The following HEATR3 variants were observed in gnomAD, a reference collection of about 807,000 sequenced individuals.
HEATR3 encodes the protein HEAT repeat containing 3.
A neutral mutation model predicts 72.8 loss-of-function variants in HEATR3; 56 were observed. The observed-to-expected ratio is 0.77, with a 90% CI of 0.62 to 0.96. The LOEUF (loss-of-function observed/expected upper bound fraction) is 0.96, where lower values mean the gene tolerates loss of function less well. Among genes scored for constraint, HEATR3 ranks in the 40% least tolerant of loss-of-function variants. HEATR3 has a pLI of 0.00. For synonymous variants in HEATR3, 331 were observed against 318.1 expected, an observed-to-expected ratio of 1.04 and a Z score of -0.43; for missense variants, 747 against 831.4, an observed-to-expected ratio of 0.90 and a Z score of 1.25.
At chr16:50,093,116 C>T (rs1323721551) in intron 11 of HEATR3, among the ~76,000 whole-genome samples, 1 of 152,062 alleles carries the variant, frequency 6.6e-6, no homozygotes, top group Non-Finnish European at 1.5e-5. Flanking sequence ...GTACATAATA[C>T]ATATCTGAAA....
At chr16:50,093,194 G>A (rs550184539) in intron 11 of HEATR3, among the ~76,000 whole-genome samples, 11 of 152,304 alleles carry the variant, frequency 7.2e-5, no homozygotes, top group African/African-American at 2.6e-4. Flanking sequence ...TCTTCTACCC[G>A]GGTAACCTAA....
At chr16:50,078,688 T>A in intron 6 of HEATR3, 53 bp from the exon 7 acceptor site, 1 of 1,539,674 alleles carries the variant, frequency 6.5e-7, no homozygotes, top group Non-Finnish European at 8.7e-7. Context: ...AAACTTAAAC[T>A]TAGTAAAATA....
At position 50,066,107 on chromosome 16, in the gene HEATR3, G is replaced by T; in HGVS notation, c.-25G>T. On this transcript the variant is annotated 5_prime_UTR_variant, in exon 1 of 15. Coordinates refer to ENST00000299192, the MANE Select transcript of HEATR3 (RefSeq NM_182922.4). ...CTGCTGTTGCCCTCCTCTCTCGGTGGTCTGTCCGCCCAGCGCACGTCACCA... is the reference window on the plus strand; with the variant it reads ...CTGCTGTTGCCCTCCTCTCTCGGTGTTCTGTCCGCCCAGCGCACGTCACCA... 6.4e-7 allele frequency: 1 copy of T among 1,573,044 alleles called. No homozygotes were observed. Among genetic ancestry groups the T allele is most frequent in the Non-Finnish European group, 8.6e-7 (1 of 1,162,478 alleles).
intron 6 of HEATR3, among the ~76,000 whole-genome samples, chr16:50,077,017 G>A (rs2036748387): frequency 6.6e-6 from 1 of 151,598 alleles, no homozygotes; most frequent in Non-Finnish European, 1.5e-5. Flanking sequence ...ACAGGTGCCT[G>A]CCACCACGCC....
intron 13 of HEATR3, 84 bp from the exon 14 acceptor site, chr16:50,102,175 T>C: frequency 1.8e-6 from 2 of 1,091,052 alleles, no homozygotes; most frequent in East Asian, 2.4e-5. Flanking sequence ...TAAAATAGTA[T>C]GCATGAGTTA....
rs2036500885 is a variant in HEATR3 at position 50,066,533 on chromosome 16, C to T, written c.305C>T (p.Ala102Val). ...GCCGTCAGGGAGACTGCAGCCGGCG[C>T]GCTGAGGTGAGCCAGGAAGGGTGCG... ...SLAVRETAAG[A>V]LRNLSACGGF... Residue 102 changes from alanine (A) to valine (V), a missense_variant, in exon 2 of 15, where the codon GCG becomes GTG. Physicochemically the swap from Ala to Val is moderately conservative, Grantham distance 64 (BLOSUM62 0). Coordinates refer to ENST00000299192, the MANE Select transcript of HEATR3 (RefSeq NM_182922.4). 7.6e-7 allele frequency: 1 copy of T among 1,308,586 alleles called. No homozygotes were observed. The highest frequency in any genetic ancestry group is 9.7e-7 in the Non-Finnish European group (1 of 1,033,264). The allele number at this position is 1,308,586 out of a possible 1,614,324, so 81.1% of individuals were successfully genotyped here.
intron 7 of HEATR3, among the ~76,000 whole-genome samples, chr16:50,082,037 A>G (rs1221502090): frequency 6.6e-6 from 1 of 152,180 alleles, no homozygotes; most frequent in Non-Finnish European, 1.5e-5. Flanking sequence ...TTAATTTCAG[A>G]GTTCCTTTTA....
intron 14 of HEATR3, among the ~76,000 whole-genome samples, chr16:50,104,420 G>A (rs935029007): frequency 6.6e-6 from 1 of 151,840 alleles, no homozygotes; most frequent in Non-Finnish European, 1.5e-5. Flanking sequence ...TTTTAAGGTG[G>A]GGTCTCACTG....
intron 7 of HEATR3, among the ~76,000 whole-genome samples, chr16:50,079,477 G>C (rs1309005853): frequency 6.6e-6 from 1 of 152,146 alleles, no homozygotes; most frequent in Admixed American, 6.5e-5. Flanking sequence ...ATCCAAAGAG[G>C]TTGGGTGACT....
chr16:50,078,653 G>A (rs2036793277), intron 6 of HEATR3, 88 bp from the exon 7 acceptor site: 6 of 1,310,500 alleles, frequency 4.6e-6, no homozygotes, highest in Non-Finnish European at 5.2e-6. Context: ...AAATTACACT[G>A]GCCTTAAAAG....
In HEATR3 at chr16:50,084,268, A is replaced by G. The variant is rs373476890; in HGVS notation, c.1267A>G (p.Thr423Ala). 1 of 1,614,012 alleles carries G rather than the reference A, an allele frequency of 6.2e-7. No homozygotes were observed. The highest frequency in any genetic ancestry group is 8.5e-7 in the Non-Finnish European group (1 of 1,180,000). The change falls in exon 9 of 15, where the codon ACC (threonine) becomes GCC (alanine). Residue 423 changes from threonine to alanine, a missense_variant. Physicochemically the swap from Thr to Ala is moderately conservative, Grantham distance 58 (BLOSUM62 0). Around this residue, in one of 2 missense-constraint regions of HEATR3, gnomAD observed 586 missense variants for 708.8 expected, o/e 0.83. Coordinates refer to ENST00000299192, the MANE Select transcript of HEATR3 (RefSeq NM_182922.4). ...CTCCCATGAAGTTCACACGGCTCTC[A>G]CCAACTACCTCATCCCAAAGAAGGT... ...CLSHEVHTALTNYLIPKKIFE... is the reference protein window; with the variant it reads ...CLSHEVHTALANYLIPKKIFE...
At chr16:50,087,386 T>G (rs2037011506) in intron 11 of HEATR3, among the ~76,000 whole-genome samples, 2 of 152,216 alleles carry the variant, frequency 1.3e-5, no homozygotes, top group African/African-American at 4.8e-5. Flanking sequence ...ATGACCTAGC[T>G]GTAGGTTTCA....
At position 50,104,987 on chromosome 16, in the gene HEATR3, C is replaced by G; in HGVS notation, c.1969C>G (p.Leu657Val). ...CTATAGCACAGATCAGCTGTGTGTT[C>G]TTGACAATGTGAAAATGAATTTGCG... ...GNYSTDQLCV[L>V]DNVKMNLRRF... is the part of the protein sequence containing the mutation. The change falls in exon 15 of 15, where the codon CTT becomes GTT. Residue 657 changes from leucine to valine, a missense_variant. Coordinates refer to ENST00000299192, the MANE Select transcript of HEATR3 (RefSeq NM_182922.4). The G allele has an allele frequency of 6.2e-7, 1 of 1,612,754 alleles. No individual in the cohort carries two copies. Among genetic ancestry groups the G allele is most frequent in the Non-Finnish European group, 8.5e-7 (1 of 1,179,566 alleles).
chr16:50,091,873 CAA>C (rs1157532465), intron 11 of HEATR3, among the ~76,000 whole-genome samples: 34 of 62,410 alleles, frequency 5.4e-4, no homozygotes, highest in South Asian at 5.7e-4. Context: ...GACTCTGTCT[CAA>C]AAAAAAAAAA....
chr16:50,082,080 G>T (rs957304589), intron 7 of HEATR3, among the ~76,000 whole-genome samples: 1 of 152,116 alleles, frequency 6.6e-6, no homozygotes, highest in Non-Finnish European at 1.5e-5. Context: ...GGTGGCTCAC[G>T]CCTGTAATCC....
Position 50,102,440 on chromosome 16 carries a change from G to A in HEATR3, c.1920+5G>A. On this transcript the variant is annotated splice_donor_5th_base_variant and intron_variant, in intron 14 of 14. Coordinates refer to ENST00000299192, the MANE Select transcript of HEATR3 (RefSeq NM_182922.4). ...CAGCCGGTCTTTAAAATGAAGGTTT[G>A]TAGCCATTTAACTTATAAATACATA... 3 of 1,612,768 alleles carry A rather than the reference G, an allele frequency of 1.9e-6. No individual in the cohort carries two copies. The highest frequency in any genetic ancestry group is 2.5e-6 in the Non-Finnish European group (3 of 1,179,504).
At chr16:50,073,488 A>C (rs548679275) in intron 5 of HEATR3, 1 of 152,210 alleles carries the variant, frequency 6.6e-6, no homozygotes, top group Non-Finnish European at 1.5e-5. Context: ...ACTCTAATGG[A>C]TATTTTTAAG....
chr16:50,075,523 C>T (rs746532161), intron 5 of HEATR3, 48 bp from the exon 6 acceptor site: 1 of 1,548,024 alleles, frequency 6.5e-7, no homozygotes, highest in East Asian at 2.3e-5. Flanking sequence ...TGTAAATTAT[C>T]CAAAGCAGAA....
intron 9 of HEATR3, 41 bp from the exon 10 acceptor site, chr16:50,084,528 C>G (rs1483808416): frequency 1.5e-6 from 2 of 1,367,920 alleles, no homozygotes; most frequent in African/African-American, 2.9e-5. Flanking sequence ...TGTTAAATGA[C>G]TACTCTTTAA....
Sources: allele counts gnomAD v4.1 joint callset (sites outside exome capture counted in the v4.1 genomes callset), GRCh38; gene constraint gnomAD v4.1.1; regional missense constraint gnomAD v4.1.1; transcripts MANE v1.5; gene names NCBI Gene and HGNC (gene_info 2026-07-23, HGNC 2026-07-21).